Variants in CDH18 observed in about 807,000 individuals in gnomAD.
CDH18 encodes the protein cadherin 18.
A neutral mutation model predicts 67.9 loss-of-function variants in CDH18; 31 were observed. The observed-to-expected ratio is 0.46, with a 90% CI of 0.34 to 0.62. CDH18 has a LOEUF of 0.62. Ranked by LOEUF, CDH18 falls within the 20% of genes least tolerant of loss-of-function variation. The pLI is 0.01. For synonymous variants in CDH18, 362 were observed against 347.2 expected, an observed-to-expected ratio of 1.04 and a Z score of -0.48; for missense variants, 890 against 975.5, an observed-to-expected ratio of 0.91 and a Z score of 1.17.
At chr5:19,494,913 A>C (rs1349816249) in intron 11 of CDH18, among the ~76,000 whole-genome samples, 1 of 152,196 alleles carries the variant, frequency 6.6e-6, no homozygotes, top group East Asian at 1.9e-4. Flanking sequence ...ATCGATTCTT[A>C]GGCTATAATT....
intron 2 of CDH18, among the ~76,000 whole-genome samples, chr5:20,072,612 G>C (rs1743579677): frequency 6.6e-6 from 1 of 151,810 alleles, no homozygotes; most frequent in Non-Finnish European, 1.5e-5. Context: ...AATATCCCCT[G>C]CAAGTTCTAT....
intron 2 of CDH18, among the ~76,000 whole-genome samples, chr5:20,009,854 C>T (rs1348603499): frequency 6.6e-6 from 1 of 152,004 alleles, no homozygotes; most frequent in Non-Finnish European, 1.5e-5. Context: ...CCTAATACTC[C>T]ATTCTGGAAG....
intron 2 of CDH18, among the ~76,000 whole-genome samples, chr5:20,238,854 AATAT>A: frequency 6.6e-6 from 1 of 152,128 alleles, no homozygotes; most frequent in Non-Finnish European, 1.5e-5. Flanking sequence ...AAAGGCTATG[AATAT>A]TTCCATATAA....
chr5:20,283,513 G>A (rs545196069), intron 1 of CDH18, among the ~76,000 whole-genome samples: 13 of 143,068 alleles, frequency 9.1e-5, no homozygotes, highest in South Asian at 4.7e-4. Flanking sequence ...TCATGATCAC[G>A]GATCATCAGA....
intron 1 of CDH18, among the ~76,000 whole-genome samples, chr5:20,417,118 G>C (rs1012226601): frequency 1.3e-5 from 2 of 152,074 alleles, no homozygotes; most frequent in Non-Finnish European, 2.9e-5. Flanking sequence ...TGGCTAGCCT[G>C]AAAATAGAAA....
At chr5:20,395,122 C>T (rs1451460599) in intron 1 of CDH18, among the ~76,000 whole-genome samples, 8 of 152,010 alleles carry the variant, frequency 5.3e-5, no homozygotes, top group African/African-American at 1.7e-4. Context: ...GTCATTATAG[C>T]CAAAAGTCAT....
intron 5 of CDH18, among the ~76,000 whole-genome samples, chr5:19,647,787 A>G (rs1754994385): frequency 1.3e-5 from 2 of 152,048 alleles, no homozygotes; most frequent in South Asian, 4.1e-4. Context: ...CATTATGCAT[A>G]CACCCTAGAG....
chr5:20,088,744 G>A (rs530866511), intron 2 of CDH18, among the ~76,000 whole-genome samples: 1 of 152,072 alleles, frequency 6.6e-6, no homozygotes, highest in South Asian at 2.1e-4. Context: ...TCTATATTTT[G>A]TAGCTGAAAG....
rs938633615 is a variant in CDH18 at position 20,152,174 on chromosome 5, CATATAATTATATATAATAT to C, written c.-518+103251_-518+103269del. ...TAATTTTATAATTATATATAAAATA[CATATAATTATATATAATAT>C]ATATAATTATATATAATATAGATAT... On this transcript the variant is annotated intron_variant, in intron 2 of 14. Transcript: ENST00000507958. Among the ~76,000 whole-genome samples the C allele has an allele frequency of 4.4e-4, 58 of 132,016 alleles. 1 individual carries two copies. In the East Asian group the frequency reaches 0.012, roughly 28 times the overall value. The allele number at this position is 132,016 out of a possible 152,430, so 86.6% of individuals were successfully genotyped here.
chr5:20,329,838 C>T (rs1738999169), intron 1 of CDH18, among the ~76,000 whole-genome samples: 1 of 140,818 alleles, frequency 7.1e-6, no homozygotes, highest in African/African-American at 2.6e-5. Context: ...ATAATGTTAT[C>T]AGAGAAGTAA....
At chr5:19,555,925 C>G (rs1454557313) in intron 8 of CDH18, among the ~76,000 whole-genome samples, 1 of 152,154 alleles carries the variant, frequency 6.6e-6, no homozygotes, top group Non-Finnish European at 1.5e-5. Flanking sequence ...GCTGAGAGAC[C>G]TGAAGATGGG....
intron 2 of CDH18, among the ~76,000 whole-genome samples, chr5:20,004,287 G>A (rs1316386640): frequency 6.6e-6 from 1 of 152,178 alleles, no homozygotes; most frequent in Admixed American, 6.5e-5. Flanking sequence ...TTTCTGCACA[G>A]CAAAGAGTAT....
chr5:20,302,710 T>C (rs1736059828), intron 1 of CDH18, among the ~76,000 whole-genome samples: 1 of 152,220 alleles, frequency 6.6e-6, no homozygotes. Flanking sequence ...TTCAGACTAC[T>C]CTTTTCTAAA....
At chr5:20,148,374 T>G (rs376618772) in intron 2 of CDH18, among the ~76,000 whole-genome samples, 13 of 152,064 alleles carry the variant, frequency 8.5e-5, no homozygotes, top group African/African-American at 1.7e-4. Flanking sequence ...TGGGATTACA[T>G]GCGTGAGCCA....
intron 5 of CDH18, among the ~76,000 whole-genome samples, chr5:19,709,590 G>A (rs1281634165): frequency 7.0e-6 from 1 of 142,738 alleles, no homozygotes; most frequent in African/African-American, 2.6e-5. Context: ...AAAAAAGAAA[G>A]TAAAGAAGGA....
intron 5 of CDH18, among the ~76,000 whole-genome samples, chr5:19,621,216 G>GT (rs3062881): frequency 0.54 from 75,306 of 140,352 alleles, 21,413 homozygotes; most frequent in South Asian, 0.72. Context: ...AAGAACCCAG[G>GT]TTTTTTTTTT....
chr5:20,404,977 T>C (rs900959003), intron 1 of CDH18, among the ~76,000 whole-genome samples: 4 of 152,172 alleles, frequency 2.6e-5, no homozygotes, highest in African/African-American at 9.6e-5. Flanking sequence ...ACTATTTTAC[T>C]TGATATTTCC....
intron 2 of CDH18, among the ~76,000 whole-genome samples, chr5:19,923,463 T>C (rs752094172): frequency 1.3e-5 from 2 of 152,192 alleles, no homozygotes; most frequent in Non-Finnish European, 2.9e-5. Flanking sequence ...GAAGAGATCA[T>C]TTCCACTAAC....
chr5:19,989,372 TA>T (rs1432573957), upstream of CDH18, among the ~76,000 whole-genome samples: 2 of 152,088 alleles, frequency 1.3e-5, no homozygotes, highest in African/African-American at 4.8e-5. Flanking sequence ...CTAAGAGAGG[TA>T]GAGTGATAGG....
Sources: gnomAD v4.1 joint callset for allele counts (sites outside exome capture counted in the v4.1 genomes callset) on GRCh38, gnomAD v4.1.1 for gene constraint, MANE v1.5 for transcripts, NCBI Gene and HGNC (gene_info 2026-07-23, HGNC 2026-07-21) for gene names.